The following ATP13A5 variants were observed in gnomAD, a reference collection of about 807,000 sequenced individuals.
ATP13A5 encodes the protein ATPase 13A5.
A neutral mutation model predicts 150.2 loss-of-function variants in ATP13A5; 149 were observed. The ratio of observed to expected loss-of-function variants is 0.99; its 90% CI spans 0.87 to 1.14. ATP13A5 has a LOEUF of 1.14. Ranked by LOEUF, ATP13A5 falls within the 50% of genes most tolerant of loss-of-function variation. The probability of loss-of-function intolerance (pLI) is 0.00; values close to 1 mark genes in which losing one functional copy is unlikely to be tolerated. For synonymous variants in ATP13A5, 497 were observed against 522.2 expected, an observed-to-expected ratio of 0.95 and a Z score of 0.66; for missense variants, 1,383 against 1,449.3, an observed-to-expected ratio of 0.95 and a Z score of 0.74.
chr3:193,327,003 C>CA lies in ATP13A5; in HGVS notation c.1515dup (p.Asp506Ter). ...TTCACATAAGAGGCCTACCAGTTGTCAGCAGTAGGGACAGTCCCCCAGAGG... is the reference window on the plus strand; with the variant it reads ...TTCACATAAGAGGCCTACCAGTTGTCAAGCAGTAGGGACAGTCCCCCAGAGG... On this transcript the variant is annotated frameshift_variant, in exon 13 of 30. Transcript: ENST00000342358. LOFTEE classifies it high-confidence loss of function. 1 of 1,613,904 alleles carries CA rather than the reference C, an allele frequency of 6.2e-7. No individual in the cohort carries two copies. Among genetic ancestry groups the CA allele is most frequent in the South Asian group, 1.1e-5 (1 of 91,044 alleles).
intron 23 of ATP13A5, among the ~76,000 whole-genome samples, chr3:193,303,125 G>C (rs1390046511): frequency 6.6e-6 from 1 of 152,160 alleles, no homozygotes; most frequent in Non-Finnish European, 1.5e-5. Context: ...TCCACATCTG[G>C]TTGTCTAGCT....
chr3:193,286,304 G>T lies in ATP13A5; in HGVS notation c.3024-1188C>A, dbSNP rs371989961. On this transcript the variant is annotated intron_variant, in intron 26 of 29. Transcript: ENST00000342358. ...TCCCTGTAGTCTAGAAATGCTTTTTGCACATACAGGCACACTTTGCTTTAT... is the reference window on the plus strand; with the variant it reads ...TCCCTGTAGTCTAGAAATGCTTTTTTCACATACAGGCACACTTTGCTTTAT... 2.7e-5 allele frequency among the ~76,000 whole-genome samples: 4 copies of T among 150,466 alleles called. No individual in the cohort carries two copies. The East Asian group carries it at 5.8e-4, about 22-fold the overall frequency.
intron 27 of ATP13A5, among the ~76,000 whole-genome samples, chr3:193,282,844 A>G (rs1335973467): frequency 1.3e-5 from 2 of 152,240 alleles, no homozygotes; most frequent in Non-Finnish European, 2.9e-5. Context: ...AAGTATCAAA[A>G]TCCCAAAGGG....
intron 9 of ATP13A5, 70 bp downstream of exon 9, chr3:193,343,857 G>A: frequency 1.3e-6 from 2 of 1,542,136 alleles, no homozygotes; most frequent in South Asian, 1.3e-5. Flanking sequence ...TCTGGTATAA[G>A]GTAGGTGAGG....
chr3:193,306,174 G>A (rs958179537), intron 22 of ATP13A5, among the ~76,000 whole-genome samples: 4 of 149,864 alleles, frequency 2.7e-5, no homozygotes, highest in African/African-American at 4.9e-5. Context: ...AGTACCTGGC[G>A]CCATGAGTAC....
chr3:193,337,720 T>G (rs1225507379), intron 9 of ATP13A5, among the ~76,000 whole-genome samples: 1 of 152,226 alleles, frequency 6.6e-6, no homozygotes, highest in African/African-American at 2.4e-5. Context: ...GTGGGCTCTT[T>G]TTTTGGTTGC....
At chr3:193,290,961 G>C (rs955822657) in intron 25 of ATP13A5, among the ~76,000 whole-genome samples, 1 of 152,106 alleles carries the variant, frequency 6.6e-6, no homozygotes, top group African/African-American at 2.4e-5. Flanking sequence ...CCTTCTCACA[G>C]CTTATCACTG....
intron 20 of ATP13A5, among the ~76,000 whole-genome samples, chr3:193,311,163 CTG>C (rs566474149): frequency 4.6e-5 from 7 of 152,178 alleles, no homozygotes; most frequent in Non-Finnish European, 8.8e-5. Flanking sequence ...ATTAATATCT[CTG>C]AGTCTCAGCT....
intron 27 of ATP13A5, among the ~76,000 whole-genome samples, chr3:193,284,681 T>C (rs1717643101): frequency 6.6e-6 from 1 of 152,346 alleles, no homozygotes; most frequent in African/African-American, 2.4e-5. Context: ...TCTTGATGAC[T>C]CACAATAGGA....
At chr3:193,370,534 C>T (rs1335473714) in intron 1 of ATP13A5, among the ~76,000 whole-genome samples, 1 of 152,144 alleles carries the variant, frequency 6.6e-6, no homozygotes, top group Non-Finnish European at 1.5e-5. Flanking sequence ...ACCACGTAAC[C>T]ATATATAAGA....
At chr3:193,320,171 A>G (rs1163469302) in intron 16 of ATP13A5, among the ~76,000 whole-genome samples, 1 of 152,208 alleles carries the variant, frequency 6.6e-6, no homozygotes, top group East Asian at 1.9e-4. Context: ...TCTCCCTTCC[A>G]CTTCCATGTG....
At chr3:193,286,654 G>A (rs368265435) in intron 26 of ATP13A5, among the ~76,000 whole-genome samples, 24 of 152,050 alleles carry the variant, frequency 1.6e-4, no homozygotes, top group South Asian at 4.1e-4. Flanking sequence ...GGCTGTTTCC[G>A]CATCTCTCTT....
intron 25 of ATP13A5, among the ~76,000 whole-genome samples, chr3:193,294,026 AT>A (rs1718070223): frequency 6.6e-6 from 1 of 152,042 alleles, no homozygotes; most frequent in Admixed American, 6.6e-5. Flanking sequence ...AGGTCGATAA[AT>A]TTTCTCTTCA....
intron 6 of ATP13A5, 110 bp downstream of exon 6, chr3:193,354,017 A>G: frequency 1.2e-6 from 1 of 842,126 alleles, no homozygotes; most frequent in Non-Finnish European, 1.8e-6. Flanking sequence ...AAGAAGTCGC[A>G]TGAAACAAGA....
intron 6 of ATP13A5, among the ~76,000 whole-genome samples, chr3:193,353,876 A>G (rs142974688): frequency 6.7e-6 from 1 of 148,874 alleles, no homozygotes; most frequent in South Asian, 2.1e-4. Flanking sequence ...CACCACCACC[A>G]CCACCACCAA....
Position 193,321,728 on chromosome 3 carries a change from A to G in ATP13A5, c.1868T>C (p.Met623Thr). 1.2e-6 allele frequency: 2 copies of G among 1,614,184 alleles called. No homozygotes were observed. The highest frequency in any genetic ancestry group is 8.5e-7 in the Non-Finnish European group (1 of 1,180,020). Residue 623 changes from methionine to threonine, a missense_variant, in exon 16 of 30, where the codon ATG becomes ACG. Physicochemically the swap from Met to Thr is moderately conservative, Grantham distance 81. Around this residue, in one of 3 missense-constraint regions of ATP13A5, gnomAD observed 787 missense variants for 771.9 expected, o/e 1.02. Coordinates refer to ENST00000342358, the MANE Select transcript of ATP13A5 (RefSeq NM_198505.4). ...GGCCACCATTTCTGGGGCACCTTTC[A>G]TGTAGACATGGAAATGATTCTCCCC... ...LAGENHFHVY[M>T]KGAPEMVARF...
At chr3:193,303,460 T>C (rs1391286960) in intron 23 of ATP13A5, among the ~76,000 whole-genome samples, 3 of 152,120 alleles carry the variant, frequency 2.0e-5, no homozygotes, top group Non-Finnish European at 4.4e-5. Flanking sequence ...TGTGTGTGTA[T>C]GTGTGTGTAT....
chr3:193,284,967 A>AC lies in ATP13A5; in HGVS notation c.3172dup (p.Val1058GlyfsTer7). On this transcript the variant is annotated frameshift_variant, in exon 27 of 30. Transcript: ENST00000342358. LOFTEE classifies it high-confidence loss of function. ...CTTTCCCTTAGAAAAGATGAATGCT[A>AC]CTGTGATATAGTTGATGGTGGTGAT... 1 of 1,614,070 alleles carries AC rather than the reference A, an allele frequency of 6.2e-7. No homozygotes were observed. Among genetic ancestry groups the AC allele is most frequent in the Non-Finnish European group, 8.5e-7 (1 of 1,179,942 alleles).
At chr3:193,344,313 T>C (rs1224694384) in intron 8 of ATP13A5, among the ~76,000 whole-genome samples, 1 of 152,212 alleles carries the variant, frequency 6.6e-6, no homozygotes, top group Non-Finnish European at 1.5e-5. Context: ...CCACAGCAGA[T>C]ACACAAGGGC....
Sources: gnomAD v4.1 joint callset for allele counts (sites outside exome capture counted in the v4.1 genomes callset) on GRCh38, gnomAD v4.1.1 for gene constraint, gnomAD v4.1.1 regional missense constraint, MANE v1.5 for transcripts, NCBI Gene and HGNC (gene_info 2026-07-23, HGNC 2026-07-21) for gene names.